The following CDON variants were observed in gnomAD, a reference collection of about 807,000 sequenced individuals.
CDON encodes the protein cell adhesion molecule-related/down-regulated by oncogenes.
In CDON, 73 loss-of-function variants were observed where a neutral mutation model predicts 120.9. The observed-to-expected ratio is 0.60, with a 90% CI of 0.50 to 0.73. The LOEUF is 0.73. Ranked by LOEUF, CDON falls within the 30% of genes least tolerant of loss-of-function variation. The pLI is 0.00. For missense variants in CDON, 1,470 were observed against 1,587.3 expected (o/e 0.93, Z 1.26); for synonymous variants, 566 against 573.5 (o/e 0.99, Z 0.19).
intron 1 of CDON, among the ~76,000 whole-genome samples, chr11:126,046,493 GACTT>G (rs1948410494): frequency 7.4e-6 from 1 of 135,984 alleles, no homozygotes; most frequent in East Asian, 2.0e-4. Context: ...AGATTCTCGA[GACTT>G]ATCTAAATAA....
At position 126,010,440 on chromosome 11, in the gene CDON, G is replaced by C. The variant is rs969585556; in HGVS notation, c.1453C>G (p.Leu485Val). 5.0e-6 allele frequency: 8 copies of C among 1,614,134 alleles called. No individual in the cohort carries two copies. Among genetic ancestry groups the C allele is most frequent in the Non-Finnish European group, 6.8e-6 (8 of 1,180,004 alleles). The change falls in exon 8 of 20, where the codon CTC (leucine) becomes GTC (valine). Residue 485 changes from leucine to valine, a missense_variant. Transcript: ENST00000531738. Reference protein sequence around the residue: ...FVLSQAGASSLHIQAVTQEHA... With the variant: ...FVLSQAGASSVHIQAVTQEHA... ...TCCTGAGTCACAGCCTGAATATGGA[G>C]AGAGCTTGCACCAGCTTGGGACAGG...
intron 18 of CDON, among the ~76,000 whole-genome samples, chr11:125,974,021 G>A (rs746777364): frequency 6.6e-6 from 1 of 151,744 alleles, no homozygotes; most frequent in Non-Finnish European, 1.5e-5. Context: ...TCATCCTCCG[G>A]TGTAGCTGGG....
Position 126,034,701 on chromosome 11 carries a change from G to A in CDON, c.-61-11164C>T, listed in dbSNP as rs941330424. 5.3e-5 allele frequency among the ~76,000 whole-genome samples: 8 copies of A among 152,172 alleles called. No homozygotes were observed. The highest frequency in any genetic ancestry group is 8.8e-5 in the Non-Finnish European group (6 of 68,032). On this transcript the variant is annotated intron_variant, in intron 1 of 19. Coordinates refer to ENST00000531738, the MANE Select transcript of CDON (RefSeq NM_001378964.1). This position sits in a 1 kb window ranked among gnomAD's most constrained non-coding sequence, Gnocchi z 4.5. Reference sequence around the variant, plus strand: ...TTAAAAGCATAGCTGCATACAAATGGTGAAATTCTAAAAAGCAGCGTGAGA... The same window carrying A: ...TTAAAAGCATAGCTGCATACAAATGATGAAATTCTAAAAAGCAGCGTGAGA...
chr11:126,029,637 A>G (rs1947894971), intron 1 of CDON, among the ~76,000 whole-genome samples: 1 of 152,086 alleles, frequency 6.6e-6, no homozygotes, highest in South Asian at 2.1e-4. Flanking sequence ...TTTGAATTTG[A>G]TTCCTTATGT....
chr11:126,026,827 A>G, intron 1 of CDON, among the ~76,000 whole-genome samples: 1 of 152,248 alleles, frequency 6.6e-6, no homozygotes, highest in Non-Finnish European at 1.5e-5. Flanking sequence ...AAACATTCAA[A>G]TAACTTGTTA....
chr11:126,015,185 CA>C, intron 7 of CDON, 55 bp downstream of exon 7: 1 of 1,518,302 alleles, frequency 6.6e-7, no homozygotes, highest in Non-Finnish European at 9.1e-7. Context: ...TTGACCACAA[CA>C]AAAGCCCATC....
chr11:126,055,519 AAT>A (rs1948660380), intron 1 of CDON, among the ~76,000 whole-genome samples: 1 of 152,198 alleles, frequency 6.6e-6, no homozygotes, highest in Non-Finnish European at 1.5e-5. Flanking sequence ...TACATGGTTA[AAT>A]ATCTATGGAT....
intron 1 of CDON, among the ~76,000 whole-genome samples, chr11:126,061,628 C>T (rs1275511489): frequency 1.3e-5 from 2 of 152,254 alleles, no homozygotes; most frequent in Non-Finnish European, 2.9e-5. Context: ...TCAGAATTCA[C>T]TGACTTGGCG....
intron 1 of CDON, among the ~76,000 whole-genome samples, chr11:126,053,041 G>A (rs1050519848): frequency 6.6e-6 from 1 of 152,090 alleles, no homozygotes; most frequent in African/African-American, 2.4e-5. Context: ...CATGGATATT[G>A]AGGGACGACT....
chr11:126,019,730 T>G lies in CDON; in HGVS notation c.385A>C (p.Ile129Leu). The change falls in exon 4 of 20, where the codon ATT (isoleucine) becomes CTT (leucine). Residue 129 changes from isoleucine (I) to leucine (L), a missense_variant. Physicochemically the swap from Ile to Leu is conservative, Grantham distance 5. Transcript: ENST00000531738. The stretch of plus-strand genomic sequence containing the variant: ...CCAGCACTTTTTTCTTCTGCTGTAA[T>G]AACATGCTTTGTGGATGAACCAAAA... ...GDFGSSTKHV[I>L]TAEEKSAGFI... is the part of the protein sequence containing the mutation. The G allele has an allele frequency of 1.2e-6, 2 of 1,613,952 alleles. No homozygotes were observed. The highest frequency in any genetic ancestry group is 1.7e-6 in the Non-Finnish European group (2 of 1,179,840).
chr11:125,981,965 A>ATT (rs1591562448), intron 16 of CDON, among the ~76,000 whole-genome samples: 2 of 34,428 alleles, frequency 5.8e-5, no homozygotes, highest in Admixed American at 3.4e-4. Context: ...AAGTGATTCT[A>ATT]TTTTCTTTTT....
Position 125,956,838 on chromosome 11 carries a change from T to C in CDON, c.*4104A>G. 5 of 986,964 alleles carry C rather than the reference T, an allele frequency of 5.1e-6. No homozygotes were observed. The highest frequency in any genetic ancestry group is 6.0e-6 in the Non-Finnish European group (5 of 830,984). 61.1% of individuals were successfully genotyped at this position (986,964 alleles called of 1,614,324 possible). A position where few individuals can be genotyped will look rare whatever the true frequency, so the allele number is the denominator to read the frequency against. Reference sequence around the variant, plus strand: ...GAAGATTCTGTGGTTCTCACAGAGTTAGACTTTATTAGATAAGGGGTTTCG... The same window carrying C: ...GAAGATTCTGTGGTTCTCACAGAGTCAGACTTTATTAGATAAGGGGTTTCG... On this transcript the variant is annotated 3_prime_UTR_variant, in exon 20 of 20. Transcript: ENST00000531738.
chr11:126,054,229 C>A (rs1263144724), intron 1 of CDON, among the ~76,000 whole-genome samples: 2 of 152,208 alleles, frequency 1.3e-5, no homozygotes, highest in Non-Finnish European at 2.9e-5. Flanking sequence ...GCAAGAGACA[C>A]AATCCTGAAT....
At chr11:126,021,581 AGATT>A in intron 2 of CDON, 61 bp from the exon 3 acceptor site, 1 of 1,424,732 alleles carries the variant, frequency 7.0e-7, no homozygotes, top group Non-Finnish European at 9.8e-7. Context: ...GAGAGAAAGA[AGATT>A]ACATTAAACA....
intron 11 of CDON, among the ~76,000 whole-genome samples, chr11:125,998,570 A>G (rs1946853377): frequency 6.6e-6 from 1 of 152,130 alleles, no homozygotes; most frequent in African/African-American, 2.4e-5. Flanking sequence ...TGAGCCAAAT[A>G]AACCTCTTTT....
At chr11:126,003,825 A>C in intron 10 of CDON, 77 bp downstream of exon 10, 1 of 1,403,262 alleles carries the variant, frequency 7.1e-7, no homozygotes, top group Non-Finnish European at 1.0e-6. Flanking sequence ...ATCTCAAAAA[A>C]AATAAATTAA....
intron 1 of CDON, among the ~76,000 whole-genome samples, chr11:126,054,072 C>A (rs941205204): frequency 6.6e-6 from 1 of 152,160 alleles, no homozygotes; most frequent in Non-Finnish European, 1.5e-5. Flanking sequence ...ATCCATTAAA[C>A]ATTCGTTCCC....
intron 2 of CDON, among the ~76,000 whole-genome samples, chr11:126,022,154 T>C (rs2134699662): frequency 6.7e-6 from 1 of 149,282 alleles, no homozygotes; most frequent in African/African-American, 2.5e-5. Context: ...ACAGCTCTTT[T>C]AATAAAGTGA....
intron 1 of CDON, among the ~76,000 whole-genome samples, chr11:126,046,216 T>C (rs1471295325): frequency 6.6e-6 from 1 of 152,134 alleles, no homozygotes; most frequent in Non-Finnish European, 1.5e-5. Context: ...ATCAAAAAAG[T>C]TATAAGAATC....
Sources: allele counts gnomAD v4.1 joint callset (sites outside exome capture counted in the v4.1 genomes callset), GRCh38; gene constraint gnomAD v4.1.1; non-coding constraint Gnocchi (gnomAD v3.1); transcripts MANE v1.5; gene names NCBI Gene and HGNC (gene_info 2026-07-23, HGNC 2026-07-21).